Variants in UNC79 observed in about 807,000 individuals in gnomAD.
The protein encoded by UNC79 is unc-79 subunit of NALCN channel complex.
Under a neutral mutation model 283.1 loss-of-function variants are expected in UNC79, and 37 were observed. The observed-to-expected ratio is 0.13, with a 90% CI of 0.10 to 0.17. The LOEUF (loss-of-function observed/expected upper bound fraction) is 0.17. Ranked by LOEUF, UNC79 falls within the 10% of genes least tolerant of loss-of-function variation. The probability of loss-of-function intolerance (pLI) is 1.00; values close to 1 mark genes in which losing one functional copy is unlikely to be tolerated. For missense variants in UNC79, 2,272 were observed against 3,211.1 expected (o/e 0.71, Z 7.07); for synonymous variants, 1,107 against 1,200.2 (o/e 0.92, Z 1.61).
chr14:93,333,412 T>C (rs2053499561), exon 1 of UNC79: 6 of 398,394 alleles, frequency 1.5e-5, no homozygotes, highest in Non-Finnish European at 2.7e-5. Context: ...GTCCCTCGGG[T>C]GGTCGCATGC....
intron 1 of UNC79, among the ~76,000 whole-genome samples, chr14:93,370,035 A>C (rs2054410378): frequency 6.6e-6 from 1 of 152,214 alleles, no homozygotes; most frequent in African/African-American, 2.4e-5. Flanking sequence ...GCTCACTAAA[A>C]GACTGAGGCT....
At chr14:93,338,967 G>T (rs1226486904) in intron 1 of UNC79, among the ~76,000 whole-genome samples, 5 of 152,178 alleles carry the variant, frequency 3.3e-5, no homozygotes, top group African/African-American at 1.2e-4. Context: ...TGGTTAAAAT[G>T]ATTTGTAAAT....
chr14:93,352,400 C>T (rs2053995330), intron 1 of UNC79, among the ~76,000 whole-genome samples: 1 of 152,166 alleles, frequency 6.6e-6, no homozygotes, highest in African/African-American at 2.4e-5. Flanking sequence ...GAATATTGAA[C>T]TATAGGAATC....
At chr14:93,667,208 CAAAG>C (rs2072300818) in intron 40 of UNC79, among the ~76,000 whole-genome samples, 1 of 139,402 alleles carries the variant, frequency 7.2e-6, no homozygotes, top group South Asian at 2.3e-4. Context: ...GAAGGAAGGA[CAAAG>C]GAAGGAACAA....
At chr14:93,422,244 A>G (rs2055616404) in intron 1 of UNC79, among the ~76,000 whole-genome samples, 1 of 151,838 alleles carries the variant, frequency 6.6e-6, no homozygotes, top group African/African-American at 2.4e-5. Flanking sequence ...GGTTGTAGGA[A>G]GATTTAAAAA....
At chr14:93,653,810 C>T (rs766902913) in exon 36 of UNC79, 7 of 1,614,062 alleles carry the variant, frequency 4.3e-6, no homozygotes, top group Non-Finnish European at 5.9e-6. Flanking sequence ...CATCAGTTGG[C>T]CCCCAACGGC....
At chr14:93,706,905 G>A (rs2075917030), downstream of UNC79, 1 of 1,614,170 alleles carries the variant, frequency 6.2e-7, no homozygotes, top group Non-Finnish European at 8.5e-7. Context: ...TCCTCTATGA[G>A]TGGACTCCTC....
chr14:93,642,984 A>G (rs2069212225), intron 33 of UNC79, among the ~76,000 whole-genome samples: 1 of 152,132 alleles, frequency 6.6e-6, no homozygotes, highest in Non-Finnish European at 1.5e-5. Flanking sequence ...GTGCTTTTAC[A>G]TATGACACTC....
chr14:93,464,664 G>C, intron 1 of UNC79: 1 of 450,484 alleles, frequency 2.2e-6, no homozygotes, highest in Non-Finnish European at 4.4e-6. Flanking sequence ...TAATTGAAGA[G>C]TGTAGAAGAA....
At chr14:93,572,554 T>G (rs779200881) in intron 15 of UNC79, 139 bp from the exon 16 acceptor site, 2 of 1,225,990 alleles carry the variant, frequency 1.6e-6, no homozygotes, top group Admixed American at 5.0e-5. Flanking sequence ...AAGTGAAATA[T>G]GCTGATAACA....
chr14:93,422,772 A>G (rs1595457266), intron 1 of UNC79, among the ~76,000 whole-genome samples: 1 of 152,138 alleles, frequency 6.6e-6, no homozygotes, highest in East Asian at 1.9e-4. Flanking sequence ...TCTTAAAAAG[A>G]AATCAAGGCC....
chr14:93,413,313 G>C (rs572883185), intron 1 of UNC79, among the ~76,000 whole-genome samples: 1 of 152,006 alleles, frequency 6.6e-6, no homozygotes, highest in South Asian at 2.1e-4. Context: ...TACTGAGAAT[G>C]ATGATTTCCA....
At chr14:93,655,677 G>C (rs2070853691) in intron 38 of UNC79, among the ~76,000 whole-genome samples, 1 of 151,324 alleles carries the variant, frequency 6.6e-6, no homozygotes, top group African/African-American at 2.4e-5. Flanking sequence ...AAACAGCCAG[G>C]AAGACATGAG....
At position 93,394,266 on chromosome 14, in the gene UNC79, G is replaced by A. The variant is rs141054207; in HGVS notation, c.-351+60743G>A. ...CTTAACATTATTCAGTTTTTCATAT[G>A]TGCCAGCATCTAAGAGCTGTACATT... On this transcript the variant is annotated intron_variant, in intron 1 of 49. Coordinates refer to the UNC79 transcript ENST00000256339. Among the ~76,000 whole-genome samples the A allele has an allele frequency of 5.9e-5, 9 of 151,992 alleles. No individual in the cohort carries two copies. The East Asian group carries it at 1.7e-3, about 29-fold the overall frequency.
intron 1 of UNC79, among the ~76,000 whole-genome samples, chr14:93,400,780 G>A (rs2055093153): frequency 1.3e-5 from 2 of 152,154 alleles, no homozygotes; most frequent in South Asian, 4.2e-4. Flanking sequence ...CATCATGGAA[G>A]GGATTTCAAT....
At chr14:93,409,425 T>C (rs1414277678) in intron 1 of UNC79, among the ~76,000 whole-genome samples, 1 of 152,146 alleles carries the variant, frequency 6.6e-6, no homozygotes, top group Admixed American at 6.5e-5. Context: ...GTGCAGTGGC[T>C]CATACCTATA....
rs115790175 is a variant in UNC79, at chr14:93,649,644, A to G, written c.6083+2998A>G. On this transcript the variant is annotated intron_variant, in intron 35 of 48. Transcript: ENST00000555664. The stretch of plus-strand genomic sequence containing the variant: ...TTTAAGATATAAATGTGATCTTTTG[A>G]TAGATGTGTACATTGTGAAATGATT... 9.4e-4 allele frequency among the ~76,000 whole-genome samples: 143 copies of G among 152,268 alleles called. 1 individual carries two copies. Among genetic ancestry groups the G allele is most frequent in the African/African-American group, 3.4e-3 (140 of 41,564 alleles).
At chr14:93,454,349 C>T (rs2056735974) in intron 1 of UNC79, among the ~76,000 whole-genome samples, 1 of 152,114 alleles carries the variant, frequency 6.6e-6, no homozygotes, top group African/African-American at 2.4e-5. Context: ...CTGGCCTAGA[C>T]TTTTTTCCAT....
At chr14:93,334,918 T>G (rs896302878) in intron 1 of UNC79, 1 of 152,242 alleles carries the variant, frequency 6.6e-6, no homozygotes, top group African/African-American at 2.4e-5. Context: ...AAACACTGCT[T>G]CTTTATAATT....
Sources: gnomAD v4.1 joint callset for allele counts (sites outside exome capture counted in the v4.1 genomes callset) on GRCh38, gnomAD v4.1.1 for gene constraint, MANE v1.5 for transcripts, NCBI Gene and HGNC (gene_info 2026-07-23, HGNC 2026-07-21) for gene names.